DECR2: variants seen among roughly 807,000 people sequenced by gnomAD.
The protein encoded by DECR2 is peroxisomal 2,4-dienoyl-CoA reductase [(3E)-enoyl-CoA-producing].
Under a neutral mutation model 29.2 loss-of-function variants are expected in DECR2, and 34 were observed. The ratio of observed to expected loss-of-function variants is 1.16; its 90% CI spans 0.89 to 1.55. The LOEUF is 1.55. DECR2 is among the 40% of genes most tolerant of loss of function. The pLI is 0.00. For missense variants in DECR2, 485 were observed against 425.3 expected (o/e 1.14, Z -1.23); for synonymous variants, 224 against 182.7 (o/e 1.23, Z -1.82).
At chr16:408,209 C>G (rs1445121690) in intron 4 of DECR2, among the ~76,000 whole-genome samples, 41 of 115,392 alleles carry the variant, frequency 3.6e-4, no homozygotes, top group African/African-American at 8.0e-4. Context: ...CTGTCTCCGG[C>G]CCCCTGTCTC....
In DECR2 at chr16:412,194, G is replaced by C. The variant is rs539439704; in HGVS notation, c.*305G>C. On this transcript the variant is annotated 3_prime_UTR_variant, in exon 9 of 9. Coordinates refer to ENST00000219481, the MANE Select transcript of DECR2 (RefSeq NM_020664.4). ...CCCCATGGTCAAGGGTGTCCTGCCT[G>C]CCTGGGTCCAGGGCCTGAGGGAGCC... The C allele has an allele frequency of 6.5e-6, 1 of 152,686 alleles. No individual in the cohort carries two copies. Among genetic ancestry groups the C allele is most frequent in the Admixed American group, 6.5e-5 (1 of 15,296 alleles). The allele number at this position is 152,686 out of a possible 1,614,324, so 9.5% of individuals were successfully genotyped here.
intron 3 of DECR2, chr16:406,672 AT>A (rs1414125225): frequency 3.2e-5 from 20 of 629,694 alleles, no homozygotes; most frequent in Middle Eastern, 4.6e-4. Flanking sequence ...TAATTTTTGC[AT>A]TTTTTTGGTA....
chr16:412,316 C>T lies in DECR2; in HGVS notation c.*427C>T, dbSNP rs1320918308. 4.6e-5 allele frequency: 7 copies of T among 152,292 alleles called. No individual in the cohort carries two copies. Among genetic ancestry groups the T allele is most frequent in the Admixed American group, 4.6e-4 (7 of 15,274 alleles). The allele number at this position is 152,292 out of a possible 1,614,324, so 9.4% of individuals were successfully genotyped here. A position where few individuals can be genotyped will look rare whatever the true frequency, so the allele number is the denominator to read the frequency against. ...GCTGGGATGGTCCTCCAGCTGCCCA[C>T]AAGGTCCGCCCCTCTGTCTCTGCAC... On this transcript the variant is annotated 3_prime_UTR_variant, in exon 9 of 9. Transcript: ENST00000219481.
In DECR2 at chr16:410,483, G is replaced by C; in HGVS notation, c.462+116G>C. The C allele has an allele frequency of 2.7e-6, 4 of 1,488,598 alleles. No homozygotes were observed. The highest frequency in any genetic ancestry group is 3.6e-6 in the Non-Finnish European group (4 of 1,104,818). The allele number at this position is 1,488,598 out of a possible 1,614,324, so 92.2% of individuals were successfully genotyped here. A position where few individuals can be genotyped will look rare whatever the true frequency, so the allele number is the denominator to read the frequency against. Reference sequence around the variant, plus strand: ...CTCTGTGAGAAGTTCTTCCGGGTGGGTGTACTCCCAGCGGGGGCCTCCCCC... The same window carrying C: ...CTCTGTGAGAAGTTCTTCCGGGTGGCTGTACTCCCAGCGGGGGCCTCCCCC... On this transcript the variant is annotated intron_variant, in intron 5 of 8. Transcript: ENST00000219481. The surrounding 1 kb of genome is among the most constrained non-coding windows in gnomAD (Gnocchi z 4.1).
chr16:407,932 C>T (rs1281101684), intron 4 of DECR2, among the ~76,000 whole-genome samples: 16 of 82,058 alleles, frequency 1.9e-4, no homozygotes, highest in African/African-American at 5.0e-4. Context: ...TCTCCGGCCC[C>T]CTGTCTCCGG....
At position 411,591 on chromosome 16, in the gene DECR2, T is replaced by C; in HGVS notation, c.*13T>C. ...TGCTAAGCTCTAGGTGAGGTACTGC[T>C]CCCGCTTCTTGGGGTCATCTGTGTC... is the stretch of plus-strand genomic sequence containing the variant. On this transcript the variant is annotated intron_variant, in intron 8 of 8. Transcript: ENST00000219481. The C allele has an allele frequency of 6.3e-7, 1 of 1,599,926 alleles. No homozygotes were observed. Among genetic ancestry groups the C allele is most frequent in the Non-Finnish European group, 8.5e-7 (1 of 1,171,134 alleles).
chr16:408,156 CCTGTCTCCGGGCCT>C (rs1361820386), intron 4 of DECR2, among the ~76,000 whole-genome samples: 23 of 31,384 alleles, frequency 7.3e-4, no homozygotes, highest in African/African-American at 1.3e-3. Context: ...TCTCCGGCCC[CCTGTCTCCGGGCCT>C]CTGTCTCCGG....
At position 403,065 on chromosome 16, in the gene DECR2, T is replaced by C. The variant is rs558197768; in HGVS notation, c.80+1022T>C. 1.5e-4 allele frequency: 148 copies of C among 972,036 alleles called. 1 individual carries two copies. Among genetic ancestry groups the C allele is most frequent in the Non-Finnish European group, 1.7e-4 (141 of 818,040 alleles). 60.2% of individuals were successfully genotyped at this position (972,036 alleles called of 1,614,324 possible). The stretch of plus-strand genomic sequence containing the variant: ...AGTGTTCTGCAGGAAAAAAAAAAAG[T>C]TTTTTTTCGAAACGGAGTCTCATTC... On this transcript the variant is annotated intron_variant, in intron 1 of 8. Transcript: ENST00000219481.
At chr16:408,332 G>A (rs906273619) in intron 4 of DECR2, among the ~76,000 whole-genome samples, 7 of 151,592 alleles carry the variant, frequency 4.6e-5, no homozygotes, top group African/African-American at 1.7e-4. Flanking sequence ...TCTGTCTCTG[G>A]CCCTCTGTCT....
In DECR2 at chr16:410,984, G is replaced by A. The variant is rs149169373; in HGVS notation, c.569G>A (p.Arg190Gln). ...SAKAAVDAMT[R>Q]HLAVEWGPQN... is the part of the protein sequence containing the mutation. ...TTCTTCTGTGCAGACGCGATGACGC[G>A]GCACTTGGCTGTGGAGTGGGGTCCC... Residue 190 changes from arginine (R) to glutamine (Q), a missense_variant, in exon 7 of 9, where the codon CGG becomes CAG. By Grantham distance (43) the Arg-to-Gln change is conservative (BLOSUM62 1). Coordinates refer to ENST00000219481, the MANE Select transcript of DECR2 (RefSeq NM_020664.4). This position sits in a 1 kb window ranked among gnomAD's most constrained non-coding sequence, Gnocchi z 4.1. 1.8e-5 allele frequency: 29 copies of A among 1,600,276 alleles called. No individual in the cohort carries two copies. The highest frequency in any genetic ancestry group is 1.6e-4 in the Middle Eastern group (1 of 6,066).
At chr16:409,333 G>A (rs1474138801) in intron 4 of DECR2, among the ~76,000 whole-genome samples, 3 of 151,422 alleles carry the variant, frequency 2.0e-5, no homozygotes, top group African/African-American at 7.3e-5. Context: ...ACCACGCCTG[G>A]CTAACTTTTT....
chr16:411,164 T>C, intron 7 of DECR2, 88 bp downstream of exon 7: 1 of 1,344,426 alleles, frequency 7.4e-7, no homozygotes, highest in Non-Finnish European at 9.9e-7. Flanking sequence ...TGGCAGGGTG[T>C]ATGTTGAAAA....
chr16:402,051 G>C lies in DECR2; in HGVS notation c.80+8G>C. ...CTGCCCGGACCTGCTGCGGTGAGCG[G>C]GGCCTGGGAAGCGAGCGCAGCCTTG... On this transcript the variant is annotated splice_region_variant and intron_variant, in intron 1 of 8. Coordinates refer to ENST00000219481, the MANE Select transcript of DECR2 (RefSeq NM_020664.4). 7.2e-7 allele frequency: 1 copy of C among 1,392,822 alleles called. No homozygotes were observed. Among genetic ancestry groups the C allele is most frequent in the South Asian group, 1.5e-5 (1 of 66,216 alleles). 86.3% of individuals were successfully genotyped at this position (1,392,822 alleles called of 1,614,324 possible).
chr16:405,119 G>C, intron 2 of DECR2, 95 bp downstream of exon 2: 2 of 1,452,010 alleles, frequency 1.4e-6, no homozygotes, highest in Non-Finnish European at 1.9e-6. Flanking sequence ...GTGGGAGGTA[G>C]ATGTCCCCTG....
At chr16:409,172 GATTTTT>G (rs1018347408) in intron 4 of DECR2, among the ~76,000 whole-genome samples, 86 of 147,300 alleles carry the variant, frequency 5.8e-4, no homozygotes, top group Admixed American at 1.7e-3. Flanking sequence ...TATTTTTATT[GATTTTT>G]ATTTTTATTT....
chr16:410,005 C>T lies in DECR2; in HGVS notation c.338-238C>T, dbSNP rs1367777132. On this transcript the variant is annotated intron_variant, in intron 4 of 8. Transcript: ENST00000219481. This position sits in a 1 kb window ranked among gnomAD's most constrained non-coding sequence, Gnocchi z 4.1. Reference sequence around the variant, plus strand: ...CCCACCCCATTTCCAAACAAGGCCACAGTCGCAGGTACGGAGCCAGGGCTT... The same window carrying T: ...CCCACCCCATTTCCAAACAAGGCCATAGTCGCAGGTACGGAGCCAGGGCTT... 37 of 539,336 alleles carry T rather than the reference C, an allele frequency of 6.9e-5. No individual in the cohort carries two copies. Among genetic ancestry groups the T allele is most frequent in the Non-Finnish European group, 3.9e-5 (12 of 306,062 alleles). 33.4% of individuals were successfully genotyped at this position (539,336 alleles called of 1,614,324 possible).
At chr16:402,121 C>A in intron 1 of DECR2, 78 bp downstream of exon 1, 1 of 1,172,542 alleles carries the variant, frequency 8.5e-7, no homozygotes, top group South Asian at 2.3e-5. Flanking sequence ...ACGTGGTCCC[C>A]GAGGGCTCGC....
Position 404,957 on chromosome 16 carries a change from G to A in DECR2, c.82G>A (p.Asp28Asn). The change falls in exon 2 of 9, where the codon GAC (aspartate) becomes AAC (asparagine). Residue 28 changes from aspartate to asparagine, a missense_variant and splice_region_variant. Coordinates refer to ENST00000219481, the MANE Select transcript of DECR2 (RefSeq NM_020664.4). ...AAGAGCCTCCTTTTTTATTCTCAGG[G>A]ACAAAGTGGCCTTCATCACAGGAGG... ...RHLFCPDLLRDKVAFITGGGS... is the reference protein window; with the variant it reads ...RHLFCPDLLRNKVAFITGGGS... 2 of 1,614,064 alleles carry A rather than the reference G, an allele frequency of 1.2e-6. No individual in the cohort carries two copies. The highest frequency in any genetic ancestry group is 1.1e-5 in the South Asian group (1 of 91,080).
intron 1 of DECR2, among the ~76,000 whole-genome samples, chr16:404,664 C>T (rs1276512042): frequency 2.0e-5 from 3 of 148,994 alleles, no homozygotes; most frequent in African/African-American, 5.0e-5. Context: ...GAGTCTTGCT[C>T]TTTTGCCCAG....
Sources: allele counts gnomAD v4.1 joint callset (sites outside exome capture counted in the v4.1 genomes callset), GRCh38; gene constraint gnomAD v4.1.1; non-coding constraint Gnocchi (gnomAD v3.1); transcripts MANE v1.5; gene names NCBI Gene and HGNC (gene_info 2026-07-23, HGNC 2026-07-21).